The following BRD1 variants were observed in gnomAD, a reference collection of about 807,000 sequenced individuals.
BRD1 encodes the protein bromodomain-containing protein 1.
A neutral mutation model predicts 107.7 loss-of-function variants in BRD1; 24 were observed. The observed-to-expected ratio is 0.22, with a 90% CI of 0.16 to 0.31. The LOEUF is 0.31. Ranked by LOEUF, BRD1 falls within the 10% of genes least tolerant of loss-of-function variation. BRD1 has a pLI of 1.00. For synonymous variants in BRD1, 744 were observed against 686.1 expected, an observed-to-expected ratio of 1.08 and a Z score of -1.32; for missense variants, 1,279 against 1,638.6, an observed-to-expected ratio of 0.78 and a Z score of 3.79.
intron 11 of BRD1, 79 bp from the exon 12 acceptor site, chr22:49,775,824 C>CGCCCCGCAGCTGTGTGA (rs1569079673): frequency 1.1e-5 from 14 of 1,282,294 alleles, no homozygotes; most frequent in African/African-American, 2.5e-5. Flanking sequence ...CACCCCCCCC[C>CGCCCCGCAGCTGTGTGA]GCCTCCCCAC....
intron 2 of BRD1, among the ~76,000 whole-genome samples, chr22:49,809,548 A>AT (rs1555912153): frequency 8.5e-4 from 125 of 147,876 alleles, no homozygotes; most frequent in East Asian, 2.5e-3. Flanking sequence ...CTCCAAAAAA[A>AT]ATATATATAT....
At chr22:49,815,487 G>T (rs2059932501) in intron 2 of BRD1, among the ~76,000 whole-genome samples, 1 of 151,840 alleles carries the variant, frequency 6.6e-6, no homozygotes, top group Admixed American at 6.6e-5. Context: ...AGGTTGCAGT[G>T]AGCGTAGATC....
At position 49,824,606 on chromosome 22, in the gene BRD1, CAGACCACACCAACAGGCTGCGG is replaced by C. The variant is rs2060126469; in HGVS notation, c.-14-297_-14-276del. The C allele has an allele frequency of 7.9e-7, 1 of 1,265,236 alleles. No homozygotes were observed. The highest frequency in any genetic ancestry group is 3.5e-5 in the Admixed American group (1 of 28,792). The allele number at this position is 1,265,236 out of a possible 1,614,324, so 78.4% of individuals were successfully genotyped here. On this transcript the variant is annotated intron_variant, in intron 1 of 12. Coordinates refer to ENST00000404760, the MANE Select transcript of BRD1 (RefSeq NM_001304808.3). The surrounding 1 kb of genome is among the most constrained non-coding windows in gnomAD (Gnocchi z 5.9). ...CTACCACCACACACCAGTCCCCTCT[CAGACCACACCAACAGGCTGCGG>C]AGACCACAGCAACGCTCCCCAAGGA...
chr22:49,787,323 T>G (rs2147041466), intron 8 of BRD1, 67 bp downstream of exon 8: 7 of 458,820 alleles, frequency 1.5e-5, no homozygotes, highest in East Asian at 8.4e-5. Context: ...GTCACACCAA[T>G]GATCCTGAAG....
intron 6 of BRD1, among the ~76,000 whole-genome samples, chr22:49,796,644 C>A (rs2059537761): frequency 6.6e-6 from 1 of 152,230 alleles, no homozygotes; most frequent in Admixed American, 6.5e-5. Flanking sequence ...AGGCATGAGC[C>A]ACAGAACCTG....
chr22:49,807,425 G>C (rs901223139), intron 2 of BRD1, among the ~76,000 whole-genome samples: 1 of 152,164 alleles, frequency 6.6e-6, no homozygotes, highest in Non-Finnish European at 1.5e-5. Context: ...CACACATATA[G>C]ACCATGGGAA....
chr22:49,824,474 T>A lies in BRD1; in HGVS notation c.-14-143A>T, dbSNP rs1225573841. On this transcript the variant is annotated intron_variant, in intron 1 of 12. Transcript: ENST00000404760. This position sits in a 1 kb window ranked among gnomAD's most constrained non-coding sequence, Gnocchi z 5.9. ...ACTCACAGCTAACCTCTTTCCAAGG[T>A]GTCCAAAACCACACATCCAGGCCTG... 1.5e-5 allele frequency: 22 copies of A among 1,445,030 alleles called. No homozygotes were observed. Among genetic ancestry groups the A allele is most frequent in the Non-Finnish European group, 1.9e-5 (21 of 1,106,594 alleles). 89.5% of individuals were successfully genotyped at this position (1,445,030 alleles called of 1,614,324 possible). A position where few individuals can be genotyped will look rare whatever the true frequency, so the allele number is the denominator to read the frequency against.
chr22:49,798,712 C>CT, intron 4 of BRD1, 26 bp from the exon 5 acceptor site: 2 of 1,562,316 alleles, frequency 1.3e-6, no homozygotes, highest in Non-Finnish European at 1.7e-6. Flanking sequence ...AGAGCCTCAG[C>CT]TTTAGGGAGC....
intron 2 of BRD1, among the ~76,000 whole-genome samples, chr22:49,813,121 TGGCTCACCCCTATG>T (rs1190487249): frequency 2.0e-5 from 3 of 152,216 alleles, no homozygotes; most frequent in Admixed American, 6.5e-5. Flanking sequence ...CCGGGCACCA[TGGCTCACCCCTATG>T]ATCCCAGCAC....
At chr22:49,819,405 T>C (rs1189790044) in intron 2 of BRD1, among the ~76,000 whole-genome samples, 2 of 151,676 alleles carry the variant, frequency 1.3e-5, no homozygotes, top group African/African-American at 4.8e-5. Flanking sequence ...ATAAAAACAT[T>C]AGCAGGGCAT....
In BRD1 at chr22:49,823,549, G is replaced by T; in HGVS notation, c.769C>A (p.Leu257Ile). The T allele has an allele frequency of 1.2e-6, 2 of 1,601,660 alleles. No individual in the cohort carries two copies. The highest frequency in any genetic ancestry group is 1.7e-6 in the Non-Finnish European group (2 of 1,172,966). Residue 257 changes from leucine to isoleucine, a missense_variant, in exon 2 of 13, where the codon CTC becomes ATC. This residue lies in a region of BRD1 where 158 missense variants were observed against 310.2 expected (regional missense o/e 0.51). Coordinates refer to ENST00000404760, the MANE Select transcript of BRD1 (RefSeq NM_001304808.3). ...CGCGACTGCAGGCAGTGGCGGCAGA[G>T]CCACTGGCCCTCGGGGATGTAGGGC... ...GVPYIPEGQW[L>I]CRHCLQSRAR...
chr22:49,819,584 G>A (rs1021299462), intron 2 of BRD1, among the ~76,000 whole-genome samples: 1 of 151,980 alleles, frequency 6.6e-6, no homozygotes, highest in African/African-American at 2.4e-5. Flanking sequence ...CTGAATAGCT[G>A]GGATTACAGG....
In BRD1 at chr22:49,800,821, T is replaced by A. The variant is rs556576598; in HGVS notation, c.1525-1702A>T. On this transcript the variant is annotated intron_variant, in intron 3 of 12. Coordinates refer to ENST00000404760, the MANE Select transcript of BRD1 (RefSeq NM_001304808.3). Reference sequence around the variant, plus strand: ...AGAAAGGACAGAAGTGAAGAAGCACTCAGGCATCCCCACTGCCGGGAAGAA... The same window carrying A: ...AGAAAGGACAGAAGTGAAGAAGCACACAGGCATCCCCACTGCCGGGAAGAA... Among the ~76,000 whole-genome samples, 117 of 152,254 alleles carry A rather than the reference T, an allele frequency of 7.7e-4. 1 individual carries two copies. The highest frequency in any genetic ancestry group is 2.6e-3 in the African/African-American group (107 of 41,546).
chr22:49,822,946 C>A lies in BRD1; in HGVS notation c.1367+5G>T. The A allele has an allele frequency of 6.2e-7, 1 of 1,613,222 alleles. No homozygotes were observed. Among genetic ancestry groups the A allele is most frequent in the East Asian group, 2.2e-5 (1 of 44,878 alleles). ...CTTGTGGACTCAATGCTTGGACACG[C>A]TTACCTCTGCGGGGGAATATAAGGA... On this transcript the variant is annotated splice_donor_5th_base_variant and intron_variant, in intron 2 of 12. Coordinates refer to ENST00000404760, the MANE Select transcript of BRD1 (RefSeq NM_001304808.3).
chr22:49,797,141 C>T (rs948453343), intron 6 of BRD1, among the ~76,000 whole-genome samples: 2 of 152,188 alleles, frequency 1.3e-5, no homozygotes, highest in African/African-American at 2.4e-5. Context: ...GGGGACAGCC[C>T]CGGTTTCCGA....
chr22:49,777,840 G>A (rs1358933204), intron 8 of BRD1, 27 bp from the exon 9 acceptor site: 4 of 1,580,028 alleles, frequency 2.5e-6, no homozygotes, highest in Non-Finnish European at 3.4e-6. Flanking sequence ...CAGGCCCTGA[G>A]CTCAGCACAA....
At chr22:49,821,650 T>TGC (rs1371097494) in intron 2 of BRD1, among the ~76,000 whole-genome samples, 1 of 152,076 alleles carries the variant, frequency 6.6e-6, no homozygotes, top group East Asian at 1.9e-4. Context: ...TCACGCAGGC[T>TGC]GCGGTACAGT....
intron 1 of BRD1, among the ~76,000 whole-genome samples, chr22:49,826,596 G>A (rs1035990154): frequency 6.6e-6 from 1 of 152,262 alleles, no homozygotes; most frequent in Non-Finnish European, 1.5e-5. Context: ...GCCCGCCCAG[G>A]GAGAAGCCGG....
chr22:49,813,827 TA>T (rs753339123), intron 2 of BRD1, among the ~76,000 whole-genome samples: 7,322 of 140,508 alleles, frequency 0.052, 477 homozygotes, highest in African/African-American at 0.15. Context: ...AGACTCCATT[TA>T]AAAAAAAAAA....
Sources: gnomAD v4.1 joint callset for allele counts (sites outside exome capture counted in the v4.1 genomes callset) on GRCh38, gnomAD v4.1.1 for gene constraint, gnomAD v4.1.1 regional missense constraint, Gnocchi (gnomAD v3.1) non-coding constraint, MANE v1.5 for transcripts, NCBI Gene and HGNC (gene_info 2026-07-23, HGNC 2026-07-21) for gene names.